The following RARB variants were observed in gnomAD, a reference collection of about 807,000 sequenced individuals.
The protein encoded by RARB is HBV-activated protein.
RARB carries 17 observed loss-of-function variants against 51.9 expected under a neutral mutation model. The observed-to-expected ratio is 0.33, with a 90% CI of 0.22 to 0.49. The LOEUF (loss-of-function observed/expected upper bound fraction) is 0.49. RARB is among the 20% of genes least tolerant of loss of function. The probability of loss-of-function intolerance (pLI) is 0.99; values close to 1 mark genes in which losing one functional copy is unlikely to be tolerated. For synonymous variants in RARB, 215 were observed against 195.4 expected (o/e 1.10, Z -0.84); for missense variants, 369 against 550.8 (o/e 0.67, Z 3.30).
intron 3 of RARB, among the ~76,000 whole-genome samples, chr3:25,114,623 C>T (rs1323131527): frequency 2.0e-5 from 3 of 152,136 alleles, no homozygotes; most frequent in Non-Finnish European, 4.4e-5. Context: ...TGGCAGCAAC[C>T]ATGACATAAT....
chr3:25,333,767 C>A (rs566102043), intron 5 of RARB, among the ~76,000 whole-genome samples: 1 of 152,194 alleles, frequency 6.6e-6, no homozygotes, highest in Non-Finnish European at 1.5e-5. Flanking sequence ...TAAATTTTTA[C>A]ATTCTACCCA....
At chr3:25,205,785 C>T (rs942710615) in intron 5 of RARB, among the ~76,000 whole-genome samples, 1 of 151,886 alleles carries the variant, frequency 6.6e-6, no homozygotes, top group African/African-American at 2.4e-5. Flanking sequence ...CTCTGTTGCC[C>T]TAGCTGGAGT....
chr3:25,037,257 A>AG (rs1316779500), intron 2 of RARB, among the ~76,000 whole-genome samples: 2 of 140,538 alleles, frequency 1.4e-5, no homozygotes, highest in African/African-American at 5.2e-5. Flanking sequence ...GAATTTCACC[A>AG]GCTTTTTTTT....
exon 4 of RARB, among the ~76,000 whole-genome samples, chr3:25,132,178 CCTT>C (rs886094015): frequency 6.6e-6 from 1 of 151,882 alleles, no homozygotes; most frequent in Admixed American, 6.6e-5. Context: ...TCAGTCTCTT[CCTT>C]CTTTCAACTT....
At chr3:25,534,841 G>C (rs1457219736) in intron 3 of RARB, among the ~76,000 whole-genome samples, 2 of 152,174 alleles carry the variant, frequency 1.3e-5, no homozygotes, top group Non-Finnish European at 2.9e-5. Context: ...AACACTGGAA[G>C]AAGTTCCAGC....
In RARB at chr3:24,998,796, T is replaced by G; in HGVS notation, c.-379-61329T>G. ...CTAACACCTTTTCAAAAATCCAAAT[T>G]CCTGTAGATATTGTAATAGTGTTTC... On this transcript the variant is annotated intron_variant, in intron 2 of 11. Coordinates refer to the RARB transcript ENST00000383772. Among the ~76,000 whole-genome samples, 2 of 137,250 alleles carry G rather than the reference T, an allele frequency of 1.5e-5. 1 individual carries two copies. Among genetic ancestry groups the G allele is most frequent in the Non-Finnish European group, 3.1e-5 (2 of 64,812 alleles). 90.0% of individuals were successfully genotyped at this position (137,250 alleles called of 152,430 possible).
chr3:25,039,295 C>T (rs1575131050), intron 2 of RARB, among the ~76,000 whole-genome samples: 2 of 152,250 alleles, frequency 1.3e-5, no homozygotes, highest in Admixed American at 1.3e-4. Flanking sequence ...TTGTTAAGAC[C>T]AAACCTCAGT....
intron 2 of RARB, among the ~76,000 whole-genome samples, chr3:25,026,096 C>G (rs552411710): frequency 6.6e-6 from 1 of 152,086 alleles, no homozygotes; most frequent in Non-Finnish European, 1.5e-5. Flanking sequence ...TTGCTCCCCC[C>G]ACCTTGAGAA....
intron 5 of RARB, among the ~76,000 whole-genome samples, chr3:25,298,671 G>C (rs1169097643): frequency 6.6e-6 from 1 of 152,182 alleles, no homozygotes; most frequent in Non-Finnish European, 1.5e-5. Context: ...GGGTGTCTCA[G>C]GAGGTCAGAT....
intron 2 of RARB, among the ~76,000 whole-genome samples, chr3:24,912,997 T>TTTTA (rs869280546): frequency 7.4e-6 from 1 of 134,642 alleles, no homozygotes; most frequent in Non-Finnish European, 1.6e-5. Context: ...TTTTTTTTTT[T>TTTTA]GGAGACAGAG....
intron 2 of RARB, among the ~76,000 whole-genome samples, chr3:24,934,951 T>A (rs1484202012): frequency 6.6e-6 from 1 of 152,150 alleles, no homozygotes; most frequent in African/African-American, 2.4e-5. Context: ...AGAAATAGCT[T>A]GCAATTCCAA....
chr3:25,036,992 G>C (rs1029766142), intron 2 of RARB, among the ~76,000 whole-genome samples: 3 of 152,170 alleles, frequency 2.0e-5, no homozygotes, highest in African/African-American at 4.8e-5. Flanking sequence ...TATGTGTGAT[G>C]GTTTTATTTC....
chr3:25,035,858 C>T (rs1333377316), intron 2 of RARB, among the ~76,000 whole-genome samples: 5 of 152,136 alleles, frequency 3.3e-5, no homozygotes, highest in Admixed American at 1.3e-4. Flanking sequence ...AACCACTGGT[C>T]TACACCCACC....
At chr3:25,459,304 C>T (rs1210270039) in intron 1 of RARB, among the ~76,000 whole-genome samples, 1 of 152,090 alleles carries the variant, frequency 6.6e-6, no homozygotes, top group Non-Finnish European at 1.5e-5. Flanking sequence ...TCACAATAGC[C>T]TCAGTTGGTA....
chr3:25,313,986 C>G (rs924649238), intron 5 of RARB, among the ~76,000 whole-genome samples: 1 of 151,844 alleles, frequency 6.6e-6, no homozygotes, highest in Admixed American at 6.6e-5. Context: ...CAAGAGGATC[C>G]CTGGAGCCCA....
intron 3 of RARB, among the ~76,000 whole-genome samples, chr3:25,562,353 C>T (rs889638306): frequency 6.6e-6 from 1 of 151,960 alleles, no homozygotes; most frequent in African/African-American, 2.4e-5. Context: ...CTTTAATTTC[C>T]TTTTTTTAAC....
chr3:24,897,409 A>G (rs957503373), intron 2 of RARB, among the ~76,000 whole-genome samples: 1 of 152,160 alleles, frequency 6.6e-6, no homozygotes, highest in African/African-American at 2.4e-5. Context: ...TCTGAATTAC[A>G]CTTTTGCAAA....
chr3:25,256,904 G>GGAGTTCTGTCTCAGCC (rs1702880273), intron 5 of RARB, among the ~76,000 whole-genome samples: 2 of 151,976 alleles, frequency 1.3e-5, no homozygotes. Context: ...CTGTCTCAGC[G>GGAGTTCTGTCTCAGCC]TCTTCTCATT....
At chr3:24,978,827 C>T (rs1332078269) in intron 2 of RARB, among the ~76,000 whole-genome samples, 2 of 151,926 alleles carry the variant, frequency 1.3e-5, no homozygotes, top group East Asian at 3.9e-4. Flanking sequence ...TTCTCTACTT[C>T]TTTTAATTGT....
Sources: gnomAD v4.1 joint callset for allele counts (sites outside exome capture counted in the v4.1 genomes callset) on GRCh38, gnomAD v4.1.1 for gene constraint, MANE v1.5 for transcripts, NCBI Gene and HGNC (gene_info 2026-07-23, HGNC 2026-07-21) for gene names.